Variants in TSEN2 observed in about 807,000 individuals in gnomAD.
The protein encoded by TSEN2 is tRNA-splicing endonuclease subunit Sen2.
TSEN2 carries 54 observed loss-of-function variants against 59.2 expected under a neutral mutation model. The observed-to-expected ratio is 0.91, with a 90% CI of 0.73 to 1.14. TSEN2 has a LOEUF of 1.14. Ranked by LOEUF, TSEN2 falls within the 50% of genes most tolerant of loss-of-function variation. TSEN2 has a pLI of 0.00. For missense variants in TSEN2, 636 were observed against 576.2 expected (o/e 1.10, Z -1.06); for synonymous variants, 195 against 198.2 (o/e 0.98, Z 0.14).
intron 4 of TSEN2, among the ~76,000 whole-genome samples, chr3:12,500,373 C>A (rs781400861): frequency 1.8e-4 from 28 of 152,170 alleles, no homozygotes; most frequent in Non-Finnish European, 2.9e-5. Context: ...TCTCCTTTGA[C>A]TTTTCATAGC....
intron 1 of TSEN2, among the ~76,000 whole-genome samples, chr3:12,485,275 C>G (rs944164953): frequency 6.6e-6 from 1 of 152,116 alleles, no homozygotes; most frequent in South Asian, 2.1e-4. Flanking sequence ...ATGGAGCCAC[C>G]TCTCCCTTTT....
chr3:12,503,805 C>T (rs1481496299), intron 5 of TSEN2, 21 bp downstream of exon 5: 26 of 1,609,502 alleles, frequency 1.6e-5, no homozygotes, highest in African/African-American at 5.3e-5. Context: ...GAAAATAAAT[C>T]GCTTCCTCCA....
chr3:12,483,144 G>A (rs941740125), upstream of TSEN2, among the ~76,000 whole-genome samples: 13 of 152,208 alleles, frequency 8.5e-5, no homozygotes, highest in Admixed American at 5.9e-4. Flanking sequence ...GGGAGGCCGA[G>A]GCGGGAGGAT....
chr3:12,530,772 CACTT>C, intron 10 of TSEN2: 1 of 984,440 alleles, frequency 1.0e-6, no homozygotes, highest in Non-Finnish European at 1.2e-6. Context: ...AATATGTCCT[CACTT>C]AACATTGTTG....
chr3:12,530,808 C>CT (rs938650149), intron 10 of TSEN2: 1 of 967,582 alleles, frequency 1.0e-6, no homozygotes, highest in African/African-American at 1.8e-5. Flanking sequence ...GAAACTGCAA[C>CT]TTTAATGTCG....
downstream of TSEN2, chr3:12,533,671 A>G (rs1015568163): frequency 1.3e-4 from 20 of 151,362 alleles, no homozygotes; most frequent in Admixed American, 8.6e-4. Context: ...AAAAAAAAAA[A>G]AAAAAAAAAA....
intron 6 of TSEN2, among the ~76,000 whole-genome samples, chr3:12,510,411 T>C (rs1290498561): frequency 1.3e-5 from 2 of 152,242 alleles, no homozygotes; most frequent in African/African-American, 2.4e-5. Context: ...TACTTCTGTG[T>C]ATTGTTCGTA....
At chr3:12,519,397 G>C (rs2056428276) in intron 8 of TSEN2, among the ~76,000 whole-genome samples, 200 bp downstream of exon 8, 1 of 152,232 alleles carries the variant, frequency 6.6e-6, no homozygotes, top group African/African-American at 2.4e-5. Context: ...AGGCCTAGGA[G>C]TAGAAGCTTG....
At chr3:12,506,372 A>G (rs1211049040) in intron 6 of TSEN2, among the ~76,000 whole-genome samples, 2 of 152,096 alleles carry the variant, frequency 1.3e-5, no homozygotes, top group Admixed American at 6.5e-5. Flanking sequence ...AGGCAGGCAG[A>G]TAGCTTGAGC....
At chr3:12,532,305 C>T (rs1044633616) in intron 11 of TSEN2, among the ~76,000 whole-genome samples, 1 of 152,160 alleles carries the variant, frequency 6.6e-6, no homozygotes, top group African/African-American at 2.4e-5. Flanking sequence ...GCTCATCAAC[C>T]TCATTTCTCC....
intron 7 of TSEN2, 59 bp from the exon 8 acceptor site, chr3:12,519,000 T>C: frequency 6.3e-7 from 1 of 1,580,934 alleles, no homozygotes; most frequent in Non-Finnish European, 8.7e-7. Flanking sequence ...GTGCCCTGGC[T>C]GAACGGAGAG....
At chr3:12,536,675 C>A (rs1425111449), downstream of TSEN2, among the ~76,000 whole-genome samples, 1 of 152,010 alleles carries the variant, frequency 6.6e-6, no homozygotes, top group Non-Finnish European at 1.5e-5. Flanking sequence ...TTATTAGGGG[C>A]AAAACCTATA....
intron 8 of TSEN2, among the ~76,000 whole-genome samples, chr3:12,523,526 C>CTTTTTTTTTTTTTTTTTTTATTT (rs2056827976): frequency 2.2e-5 from 1 of 46,480 alleles, no homozygotes; most frequent in Non-Finnish European, 4.3e-5. Flanking sequence ...CTCTTTGATT[C>CTTTTTTTTTTTTTTTTTTTATTT]TTTTTTTTTT....
chr3:12,536,860 G>A (rs1447476555), downstream of TSEN2, among the ~76,000 whole-genome samples: 5 of 151,970 alleles, frequency 3.3e-5, no homozygotes, highest in African/African-American at 4.8e-5. Context: ...AAAATTAGCC[G>A]GACGTGGTGG....
intron 8 of TSEN2, among the ~76,000 whole-genome samples, chr3:12,528,215 A>G (rs2057235098): frequency 6.6e-6 from 1 of 152,224 alleles, no homozygotes; most frequent in African/African-American, 2.4e-5. Context: ...TGAAATCAAT[A>G]ACAAAATATT....
At chr3:12,520,160 G>A (rs58366764) in intron 8 of TSEN2, among the ~76,000 whole-genome samples, 32 of 152,144 alleles carry the variant, frequency 2.1e-4, no homozygotes, top group South Asian at 8.3e-4. Context: ...CATCACACCC[G>A]GCTAATTTTT....
At chr3:12,482,322 T>C (rs967193103), upstream of TSEN2, among the ~76,000 whole-genome samples, 8 of 152,158 alleles carry the variant, frequency 5.3e-5, no homozygotes, top group African/African-American at 1.9e-4. Context: ...GGTTTCTCCA[T>C]GTTGGTCAGG....
rs943248713 is a variant in TSEN2, at chr3:12,503,682, C to T, written c.729C>T (p.Ile243=). The T allele has an allele frequency of 2.0e-5, 32 of 1,609,944 alleles. No individual in the cohort carries two copies. Among genetic ancestry groups the T allele is most frequent in the South Asian group, 2.2e-5 (2 of 90,484 alleles). The change falls in exon 5 of 12, where the codon ATC becomes ATT. Residue 243 remains isoleucine, a synonymous_variant. Coordinates refer to ENST00000284995, the MANE Select transcript of TSEN2 (RefSeq NM_025265.4). ...GLHHEDGSQH[I]GLLHPGDRGP... The stretch of plus-strand genomic sequence containing the variant: ...ATCATGAAGACGGCAGCCAGCACAT[C>T]GGCCTCCTGCATCCTGGGGACAGAG...
intron 6 of TSEN2, chr3:12,506,888 G>T: frequency 1.0e-6 from 1 of 984,564 alleles, no homozygotes; most frequent in South Asian, 4.7e-5. Context: ...TTTTATAGCT[G>T]AGACCACAGG....
Sources: allele counts gnomAD v4.1 joint callset (sites outside exome capture counted in the v4.1 genomes callset), GRCh38; gene constraint gnomAD v4.1.1; transcripts MANE v1.5; gene names NCBI Gene and HGNC (gene_info 2026-07-23, HGNC 2026-07-21).